Variants in KIAA1217 observed in about 807,000 individuals in gnomAD.
KIAA1217 encodes the protein sickle tail protein homolog.
Under a neutral mutation model 163.9 loss-of-function variants are expected in KIAA1217, and 88 were observed. That is an observed-to-expected ratio of 0.54 (90% CI 0.45 to 0.64). The LOEUF (loss-of-function observed/expected upper bound fraction) is 0.64, where lower values mean the gene tolerates loss of function less well. KIAA1217 is among the 30% of genes least tolerant of loss of function. The pLI is 0.00. For synonymous variants in KIAA1217, 903 were observed against 923.1 expected, an observed-to-expected ratio of 0.98 and a Z score of 0.39; for missense variants, 2,372 against 2,475.0, an observed-to-expected ratio of 0.96 and a Z score of 0.88.
chr10:23,949,431 A>G (rs997822285), intron 1 of KIAA1217, among the ~76,000 whole-genome samples: 9 of 152,236 alleles, frequency 5.9e-5, no homozygotes, highest in African/African-American at 2.2e-4. Context: ...AATACACACG[A>G]CTGTGTGACA....
In KIAA1217 at chr10:24,533,149, C is replaced by A; in HGVS notation, c.3326C>A (p.Thr1109Asn). 2 of 1,613,814 alleles carry A rather than the reference C, an allele frequency of 1.2e-6. No homozygotes were observed. The highest frequency in any genetic ancestry group is 1.7e-6 in the Non-Finnish European group (2 of 1,179,930). ...GCAGAGGAGCCTGCTTCAGCCTGGA[C>A]CCCATCCCCACCGCCTGTCACCACC... The part of the protein sequence containing the change: ...YPAEEPASAW[T>N]PSPPPVTTSS... The change falls in exon 16 of 21, where the codon ACC becomes AAC. Residue 1109 changes from threonine to asparagine, a missense_variant. Thr to Asn is a moderately conservative substitution (Grantham distance 65). Around this residue, in one of 3 missense-constraint regions of KIAA1217, gnomAD observed 1,431 missense variants for 1,470.3 expected, o/e 0.97. Coordinates refer to ENST00000376454, the MANE Select transcript of KIAA1217 (RefSeq NM_019590.5).
At chr10:24,045,676 G>A (rs935851368) in intron 2 of KIAA1217, among the ~76,000 whole-genome samples, 11 of 151,892 alleles carry the variant, frequency 7.2e-5, no homozygotes, top group African/African-American at 2.4e-4. Flanking sequence ...AAAACACATG[G>A]CATTATTTTC....
intron 2 of KIAA1217, among the ~76,000 whole-genome samples, chr10:24,354,273 C>A (rs776890929): frequency 2.6e-5 from 4 of 152,180 alleles, no homozygotes; most frequent in Admixed American, 1.3e-4. Flanking sequence ...CCTCACAGGA[C>A]GTGAGACAGG....
At chr10:24,239,720 C>G (rs189687935) in intron 2 of KIAA1217, among the ~76,000 whole-genome samples, 10 of 147,162 alleles carry the variant, frequency 6.8e-5, no homozygotes, top group African/African-American at 1.3e-4. Context: ...TGTGTGTGTT[C>G]TTTTACTCTT....
At chr10:24,331,813 T>C (rs1486614097) in intron 2 of KIAA1217, among the ~76,000 whole-genome samples, 1 of 152,220 alleles carries the variant, frequency 6.6e-6, no homozygotes, top group Non-Finnish European at 1.5e-5. Flanking sequence ...TATTTATTTA[T>C]TTGGAGAGGG....
intron 2 of KIAA1217, among the ~76,000 whole-genome samples, chr10:24,122,556 C>T (rs1419026083): frequency 5.3e-5 from 8 of 152,104 alleles, no homozygotes; most frequent in Non-Finnish European, 1.5e-5. Context: ...TCCAATGAGA[C>T]AGAAAAACCA....
At chr10:24,336,682 G>A (rs1478618805) in intron 2 of KIAA1217, among the ~76,000 whole-genome samples, 1 of 152,200 alleles carries the variant, frequency 6.6e-6, no homozygotes, top group Admixed American at 6.5e-5. Flanking sequence ...GACCTGGGGA[G>A]ATTTTCTTTC....
At chr10:24,535,014 A>G (rs1001936693) in intron 16 of KIAA1217, among the ~76,000 whole-genome samples, 1 of 152,146 alleles carries the variant, frequency 6.6e-6, no homozygotes, top group Admixed American at 6.5e-5. Flanking sequence ...GCCAGTGGCC[A>G]TAATGATTCT....
chr10:24,031,797 T>G (rs1041757111), intron 2 of KIAA1217, among the ~76,000 whole-genome samples: 9 of 152,192 alleles, frequency 5.9e-5, no homozygotes, highest in African/African-American at 2.2e-4. Context: ...ACATTAAACT[T>G]GATGATCACA....
At chr10:24,183,101 C>A (rs1033226591) in intron 2 of KIAA1217, among the ~76,000 whole-genome samples, 1 of 152,104 alleles carries the variant, frequency 6.6e-6, no homozygotes, top group Non-Finnish European at 1.5e-5. Context: ...GCTGGGACAC[C>A]CCCCAGGTTT....
intron 1 of KIAA1217, among the ~76,000 whole-genome samples, chr10:23,911,887 T>A (rs79838421): frequency 0.017 from 2,637 of 152,186 alleles, 43 homozygotes; most frequent in Admixed American, 0.052. Context: ...TGAGTTGAGT[T>A]GTGATAGCAC....
At chr10:24,116,556 A>G (rs1370670549) in intron 2 of KIAA1217, among the ~76,000 whole-genome samples, 1 of 152,136 alleles carries the variant, frequency 6.6e-6, no homozygotes, top group Non-Finnish European at 1.5e-5. Context: ...ATAAAACTTT[A>G]TTTACAAATA....
chr10:24,472,628 G>T (rs957052341), intron 5 of KIAA1217, among the ~76,000 whole-genome samples: 1 of 152,096 alleles, frequency 6.6e-6, no homozygotes, highest in Non-Finnish European at 1.5e-5. Context: ...ATTTTTTCCT[G>T]AAATCCCACA....
intron 1 of KIAA1217, among the ~76,000 whole-genome samples, chr10:23,950,905 A>G (rs1844307974): frequency 6.6e-6 from 1 of 152,206 alleles, no homozygotes; most frequent in Admixed American, 6.5e-5. Flanking sequence ...TACCATAGGC[A>G]TAAATACTTT....
intron 1 of KIAA1217, among the ~76,000 whole-genome samples, chr10:23,773,592 T>G (rs1283592982): frequency 3.3e-5 from 5 of 152,358 alleles, no homozygotes; most frequent in Admixed American, 3.3e-4. Context: ...TTCCTACCCA[T>G]GAGCACAGAA....
At chr10:23,925,674 G>T (rs1049541763) in intron 1 of KIAA1217, among the ~76,000 whole-genome samples, 1 of 152,150 alleles carries the variant, frequency 6.6e-6, no homozygotes, top group African/African-American at 2.4e-5. Context: ...TCAGAATGAG[G>T]TGCTGCCCTT....
chr10:23,922,607 G>A (rs1842888761), intron 1 of KIAA1217, among the ~76,000 whole-genome samples: 1 of 152,162 alleles, frequency 6.6e-6, no homozygotes, highest in Admixed American at 6.5e-5. Flanking sequence ...AGGTCACCCA[G>A]TTGGTGTCTA....
At chr10:24,225,222 C>G (rs1033636914) in intron 2 of KIAA1217, among the ~76,000 whole-genome samples, 9 of 152,120 alleles carry the variant, frequency 5.9e-5, no homozygotes, top group Non-Finnish European at 4.4e-5. Context: ...AACTCCTGGG[C>G]TCAAGTGATC....
intron 1 of KIAA1217, among the ~76,000 whole-genome samples, chr10:23,796,217 T>G (rs1836194983): frequency 2.0e-5 from 3 of 152,168 alleles, no homozygotes; most frequent in Non-Finnish European, 4.4e-5. Flanking sequence ...ATGTCTGGGT[T>G]CTGAGAGTCT....
Sources: gnomAD v4.1 joint callset for allele counts (sites outside exome capture counted in the v4.1 genomes callset) on GRCh38, gnomAD v4.1.1 for gene constraint, gnomAD v4.1.1 regional missense constraint, MANE v1.5 for transcripts, NCBI Gene and HGNC (gene_info 2026-07-23, HGNC 2026-07-21) for gene names.